The following FAM3D variants were observed in gnomAD, a reference collection of about 807,000 sequenced individuals.
The protein encoded by FAM3D is FAM3 metabolism regulating signaling molecule D, also known as protein FAM3D.
Under a neutral mutation model 29.8 loss-of-function variants are expected in FAM3D, and 26 were observed. The ratio of observed to expected loss-of-function variants is 0.87; its 90% CI spans 0.64 to 1.21. FAM3D has a LOEUF of 1.21. FAM3D is among the 50% of genes most tolerant of loss of function. The pLI is 0.00. For missense variants in FAM3D, 253 were observed against 290.9 expected (o/e 0.87, Z 0.95); for synonymous variants, 115 against 102.3 (o/e 1.12, Z -0.75).
At chr3:58,651,215 G>C (rs1205958209) in intron 3 of FAM3D, among the ~76,000 whole-genome samples, 1 of 152,132 alleles carries the variant, frequency 6.6e-6, no homozygotes, top group East Asian at 1.9e-4. Flanking sequence ...AAGTAAAATA[G>C]ATTGGAAACC....
At chr3:58,656,892 G>C (rs1361375519) in intron 1 of FAM3D, among the ~76,000 whole-genome samples, 1 of 152,166 alleles carries the variant, frequency 6.6e-6, no homozygotes, top group African/African-American at 2.4e-5. Context: ...GGCTGAACCA[G>C]TCCTTAATGT....
chr3:58,655,224 T>C (rs1274506922), intron 2 of FAM3D, among the ~76,000 whole-genome samples: 1 of 152,158 alleles, frequency 6.6e-6, no homozygotes, highest in Admixed American at 6.5e-5. Context: ...TTTGCCTCCC[T>C]CTAGAATTTT....
intron 6 of FAM3D, among the ~76,000 whole-genome samples, chr3:58,642,087 C>A (rs1289273149): frequency 3.9e-5 from 6 of 152,176 alleles, no homozygotes; most frequent in African/African-American, 1.4e-4. Context: ...TGGGCACACC[C>A]TCCCTGCAGG....
At chr3:58,637,364 G>A (rs747328377) in intron 7 of FAM3D, 139 bp from the exon 8 acceptor site, 99 of 741,664 alleles carry the variant, frequency 1.3e-4, no homozygotes, top group Admixed American at 3.5e-4. Flanking sequence ...AGGAGGAAGA[G>A]CATCCCAGGT....
intron 1 of FAM3D, among the ~76,000 whole-genome samples, chr3:58,659,677 G>A (rs2066895290): frequency 6.6e-6 from 1 of 152,172 alleles, no homozygotes; most frequent in Non-Finnish European, 1.5e-5. Flanking sequence ...TGCTAGCACC[G>A]AGGCACACAG....
At chr3:58,664,659 A>G (rs1264598274) in intron 1 of FAM3D, among the ~76,000 whole-genome samples, 2 of 152,246 alleles carry the variant, frequency 1.3e-5, no homozygotes, top group Non-Finnish European at 2.9e-5. Flanking sequence ...CTAAGGTCAC[A>G]TGGTTGGAAA....
chr3:58,645,760 G>T lies in FAM3D; in HGVS notation c.146-134C>A, dbSNP rs540275482. Reference sequence around the variant, plus strand: ...AGAGCCTCTTTCTGGGGGAGCCTTCGCTGATTGCAAAGTCTGGGAGATGTG... The same window carrying T: ...AGAGCCTCTTTCTGGGGGAGCCTTCTCTGATTGCAAAGTCTGGGAGATGTG... On this transcript the variant is annotated intron_variant, in intron 4 of 9. Coordinates refer to ENST00000358781, the MANE Select transcript of FAM3D (RefSeq NM_138805.3). 1.0e-4 allele frequency: 79 copies of T among 755,204 alleles called. 1 individual carries two copies. The Admixed American group carries it at 1.3e-3, about 12-fold the overall frequency. 46.8% of individuals were successfully genotyped at this position (755,204 alleles called of 1,614,324 possible). A position where few individuals can be genotyped will look rare whatever the true frequency, so the allele number is the denominator to read the frequency against.
intron 1 of FAM3D, among the ~76,000 whole-genome samples, chr3:58,665,608 G>A (rs941966843): frequency 6.6e-6 from 1 of 152,102 alleles, no homozygotes; most frequent in African/African-American, 2.4e-5. Flanking sequence ...GGACACTCTT[G>A]TACCCAGGCA....
intron 6 of FAM3D, among the ~76,000 whole-genome samples, chr3:58,641,717 G>C (rs1485632642): frequency 6.6e-6 from 1 of 152,156 alleles, no homozygotes; most frequent in Non-Finnish European, 1.5e-5. Context: ...TGGGGATATT[G>C]AGCATAGCTC....
intron 1 of FAM3D, among the ~76,000 whole-genome samples, chr3:58,661,052 T>C (rs1246196145): frequency 6.6e-6 from 1 of 152,230 alleles, no homozygotes; most frequent in Non-Finnish European, 1.5e-5. Flanking sequence ...CTGTTACAAC[T>C]ACTCAACTCT....
chr3:58,657,197 G>A (rs540482664), intron 1 of FAM3D, among the ~76,000 whole-genome samples: 1 of 152,254 alleles, frequency 6.6e-6, no homozygotes, highest in East Asian at 1.9e-4. Context: ...GACACTCGGA[G>A]GAACCCCATG....
chr3:58,640,859 A>G (rs1354432383), intron 6 of FAM3D, among the ~76,000 whole-genome samples: 1 of 152,060 alleles, frequency 6.6e-6, no homozygotes, highest in Non-Finnish European at 1.5e-5. Flanking sequence ...GAGGGTGGGG[A>G]CCAGGCCTAG....
At chr3:58,649,284 G>A (rs553040435) in intron 4 of FAM3D, 31 bp downstream of exon 4, 16 of 1,610,790 alleles carry the variant, frequency 9.9e-6, no homozygotes, top group Middle Eastern at 1.7e-4. Flanking sequence ...GGATGAGGTC[G>A]GGGGAGGTGT....
chr3:58,645,100 G>A (rs2066437897), intron 5 of FAM3D, among the ~76,000 whole-genome samples: 1 of 152,136 alleles, frequency 6.6e-6, no homozygotes, highest in Non-Finnish European at 1.5e-5. Flanking sequence ...GCTATATCTG[G>A]GCTTTGATGC....
intron 1 of FAM3D, among the ~76,000 whole-genome samples, chr3:58,664,036 T>A (rs892380267): frequency 6.6e-6 from 1 of 151,656 alleles, no homozygotes; most frequent in Admixed American, 6.6e-5. Context: ...GGGAGAGGAG[T>A]GTGGTGGCCA....
At chr3:58,655,857 GGTGTAGTCTGGTAAGCCACT>G (rs1469779043) in intron 1 of FAM3D, among the ~76,000 whole-genome samples, 1 of 152,114 alleles carries the variant, frequency 6.6e-6, no homozygotes, top group East Asian at 1.9e-4. Flanking sequence ...AGTAGAGGAA[GGTGTAGTCTGGTAAGCCACT>G]GTCTTTTGGG....
At chr3:58,643,791 G>A in intron 5 of FAM3D, 71 bp from the exon 6 acceptor site, 1 of 1,458,214 alleles carries the variant, frequency 6.9e-7, no homozygotes, top group Non-Finnish European at 9.6e-7. Flanking sequence ...CTCCCAGCTG[G>A]GGAACTCCGT....
intron 1 of FAM3D, among the ~76,000 whole-genome samples, chr3:58,662,146 GGGT>G: frequency 8.0e-6 from 1 of 124,910 alleles, no homozygotes. Context: ...GGGTGGGGCT[GGGT>G]GGAGTATCTG....
At chr3:58,665,130 C>G (rs1403263199) in intron 1 of FAM3D, among the ~76,000 whole-genome samples, 3 of 152,166 alleles carry the variant, frequency 2.0e-5, no homozygotes, top group Non-Finnish European at 4.4e-5. Context: ...GGTGTGCACA[C>G]CATGGCCATA....
Sources: allele counts gnomAD v4.1 joint callset (sites outside exome capture counted in the v4.1 genomes callset), GRCh38; gene constraint gnomAD v4.1.1; transcripts MANE v1.5; gene names NCBI Gene and HGNC (gene_info 2026-07-23, HGNC 2026-07-21).